EPB41L2: variants seen among roughly 807,000 people sequenced by gnomAD.
The protein encoded by EPB41L2 is erythrocyte membrane protein band 4.1 like 2.
In EPB41L2, 43 loss-of-function variants were observed where a neutral mutation model predicts 113.0. That is an observed-to-expected ratio of 0.38 (90% CI 0.30 to 0.49). EPB41L2 has a LOEUF of 0.49. Among genes scored for constraint, EPB41L2 ranks in the 20% least tolerant of loss-of-function variants. EPB41L2 has a pLI of 0.95. For synonymous variants in EPB41L2, 442 were observed against 436.7 expected (o/e 1.01, Z -0.15); for missense variants, 1,147 against 1,223.4 (o/e 0.94, Z 0.93).
chr6:131,028,822 C>T (rs1791435438), intron 1 of EPB41L2, among the ~76,000 whole-genome samples: 1 of 152,144 alleles, frequency 6.6e-6, no homozygotes. Flanking sequence ...GACTCAAATG[C>T]TCTAAGTAAT....
chr6:130,951,390 C>T (rs1462586576), intron 3 of EPB41L2, among the ~76,000 whole-genome samples: 1 of 134,616 alleles, frequency 7.4e-6, no homozygotes, highest in Non-Finnish European at 1.5e-5. Context: ...AGTGGCGCAA[C>T]CTTGGCTCAC....
At chr6:131,056,892 C>T (rs1047323704) in intron 1 of EPB41L2, among the ~76,000 whole-genome samples, 2 of 152,082 alleles carry the variant, frequency 1.3e-5, no homozygotes, top group Non-Finnish European at 2.9e-5. Context: ...GAAATAAATG[C>T]ACATTCATTA....
intron 1 of EPB41L2, among the ~76,000 whole-genome samples, chr6:131,032,486 C>A (rs1231119706): frequency 2.0e-5 from 3 of 152,112 alleles, no homozygotes; most frequent in African/African-American, 7.2e-5. Flanking sequence ...GTTCACAAAG[C>A]ACTTTCAGAT....
At chr6:130,914,766 AT>A (rs755238636) in intron 4 of EPB41L2, among the ~76,000 whole-genome samples, 3 of 152,208 alleles carry the variant, frequency 2.0e-5, no homozygotes, top group Non-Finnish European at 4.4e-5. Context: ...ATTAAAAAAA[AT>A]AAAACAAGGA....
At chr6:131,058,091 T>C (rs1306529269) in intron 1 of EPB41L2, among the ~76,000 whole-genome samples, 1 of 152,244 alleles carries the variant, frequency 6.6e-6, no homozygotes, top group Non-Finnish European at 1.5e-5. Flanking sequence ...TTTATGGCTC[T>C]AATAAGGTAG....
chr6:131,024,474 T>A (rs965410043), intron 1 of EPB41L2, among the ~76,000 whole-genome samples: 5 of 152,178 alleles, frequency 3.3e-5, no homozygotes, highest in Admixed American at 3.3e-4. Flanking sequence ...TAGAATGGCA[T>A]GTCATAAGCC....
chr6:131,006,667 CAAA>C (rs10709651), intron 1 of EPB41L2, among the ~76,000 whole-genome samples: 2 of 140,892 alleles, frequency 1.4e-5, no homozygotes, highest in Admixed American at 7.1e-5. Flanking sequence ...GACTCTATCT[CAAA>C]AAAAAAAAAA....
intron 1 of EPB41L2, among the ~76,000 whole-genome samples, chr6:130,969,986 T>C (rs2128652991): frequency 6.6e-6 from 1 of 152,192 alleles, no homozygotes; most frequent in Non-Finnish European, 1.5e-5. Context: ...CTGACAAAAG[T>C]CAACATTTGC....
intron 16 of EPB41L2, among the ~76,000 whole-genome samples, chr6:130,866,466 C>CACAG (rs1237682946): frequency 6.6e-6 from 1 of 152,154 alleles, no homozygotes; most frequent in African/African-American, 2.4e-5. Context: ...GGGTCATGCA[C>CACAG]CTGTATGTCT....
At chr6:130,964,362 A>G (rs1278674966) in intron 1 of EPB41L2, among the ~76,000 whole-genome samples, 1 of 152,188 alleles carries the variant, frequency 6.6e-6, no homozygotes, top group Non-Finnish European at 1.5e-5. Context: ...CTATGTCTGA[A>G]TAAAATAGCC....
intron 19 of EPB41L2, among the ~76,000 whole-genome samples, chr6:130,844,345 G>A (rs1267023727): frequency 1.3e-5 from 2 of 151,092 alleles, no homozygotes; most frequent in African/African-American, 2.4e-5. Flanking sequence ...GGCAGATCAC[G>A]AGGTCAGGGG....
At chr6:130,866,116 A>G (rs1170643303) in intron 16 of EPB41L2, among the ~76,000 whole-genome samples, 1 of 152,228 alleles carries the variant, frequency 6.6e-6, no homozygotes, top group Non-Finnish European at 1.5e-5. Flanking sequence ...GCTTACCTCT[A>G]GCGATTGTTT....
intron 19 of EPB41L2, among the ~76,000 whole-genome samples, chr6:130,843,982 A>G (rs1342498476): frequency 6.6e-6 from 1 of 152,190 alleles, no homozygotes; most frequent in East Asian, 1.9e-4. Flanking sequence ...TTGAGTTTCT[A>G]GAGACAAAGG....
chr6:130,885,862 G>A (rs1244830952), intron 11 of EPB41L2, among the ~76,000 whole-genome samples: 2 of 151,790 alleles, frequency 1.3e-5, no homozygotes, highest in East Asian at 1.9e-4. Flanking sequence ...GCCTTAACAC[G>A]AACTATGGTA....
intron 19 of EPB41L2, among the ~76,000 whole-genome samples, chr6:130,841,739 A>C (rs1180602585): frequency 6.6e-6 from 1 of 152,208 alleles, no homozygotes; most frequent in East Asian, 1.9e-4. Flanking sequence ...AAAAAAGGAG[A>C]GAATGAAGGC....
At chr6:130,863,573 A>C in intron 18 of EPB41L2, 65 bp downstream of exon 18, 4 of 1,161,712 alleles carry the variant, frequency 3.4e-6, no homozygotes, top group Non-Finnish European at 5.2e-6. Context: ...ATGCGACATG[A>C]TGACAAATGT....
rs60350565 is a variant in EPB41L2, at chr6:130,892,403, CTTTTT to C, written c.1487+1936_1488-1938del. Among the ~76,000 whole-genome samples, 43 of 92,630 alleles carry C rather than the reference CTTTTT, an allele frequency of 4.6e-4. 3 individuals are homozygous for C. The East Asian group carries it at 6.0e-3, about 13-fold the overall frequency. The allele number at this position is 92,630 out of a possible 152,430, so 60.8% of individuals were successfully genotyped here. ...CTTGCCATTTCTGAACAGATTATTG[CTTTTT>C]TTTTTTTTTTTTTTATCATTATGTG... On this transcript the variant is annotated intron_variant, in intron 10 of 19. Coordinates refer to ENST00000337057, the MANE Select transcript of EPB41L2 (RefSeq NM_001431.4).
intron 3 of EPB41L2, among the ~76,000 whole-genome samples, chr6:130,934,930 C>T (rs1808273285): frequency 6.6e-6 from 1 of 150,408 alleles, no homozygotes; most frequent in African/African-American, 2.5e-5. Context: ...TGGATTCTTA[C>T]AACATATTTT....
intron 3 of EPB41L2, among the ~76,000 whole-genome samples, chr6:130,929,857 T>TCACACTCACA (rs1806130176): frequency 8.1e-6 from 1 of 123,372 alleles, no homozygotes; most frequent in Non-Finnish European, 1.7e-5. Context: ...AGACAGACAG[T>TCACACTCACA]CACACACACA....
Sources: gnomAD v4.1 joint callset for allele counts (sites outside exome capture counted in the v4.1 genomes callset) on GRCh38, gnomAD v4.1.1 for gene constraint, MANE v1.5 for transcripts, NCBI Gene and HGNC (gene_info 2026-07-23, HGNC 2026-07-21) for gene names.